Variants in CACNA1D observed in about 807,000 individuals in gnomAD.
The protein encoded by CACNA1D is voltage-dependent L-type calcium channel subunit alpha-1D.
Under a neutral mutation model 257.1 loss-of-function variants are expected in CACNA1D, and 55 were observed. The observed-to-expected ratio is 0.21, with a 90% CI of 0.17 to 0.27. The LOEUF is 0.27. Ranked by LOEUF, CACNA1D falls within the 10% of genes least tolerant of loss-of-function variation. CACNA1D has a pLI of 1.00. For missense variants in CACNA1D, 1,876 were observed against 2,784.0 expected (o/e 0.67, Z 7.34); for synonymous variants, 980 against 1,014.9 (o/e 0.97, Z 0.65).
chr3:53,648,761 T>C (rs2108260752), intron 3 of CACNA1D, among the ~76,000 whole-genome samples: 1 of 151,904 alleles, frequency 6.6e-6, no homozygotes, highest in South Asian at 2.1e-4. Context: ...GGCATGAGTA[T>C]AGAGGTTGGA....
At chr3:53,598,405 G>A (rs968611100) in intron 3 of CACNA1D, among the ~76,000 whole-genome samples, 10 of 150,324 alleles carry the variant, frequency 6.7e-5, no homozygotes, top group East Asian at 3.9e-4. Context: ...GCACAACACC[G>A]TCTCTACTAA....
intron 7 of CACNA1D, among the ~76,000 whole-genome samples, chr3:53,669,038 C>T (rs1228098438): frequency 6.6e-6 from 1 of 152,244 alleles, no homozygotes; most frequent in Non-Finnish European, 1.5e-5. Context: ...CCTTGGCATT[C>T]TTCCACCTGT....
At chr3:53,646,346 G>C (rs912776236) in intron 3 of CACNA1D, among the ~76,000 whole-genome samples, 1 of 152,072 alleles carries the variant, frequency 6.6e-6, no homozygotes, top group African/African-American at 2.4e-5. Context: ...TTCTAAAAAG[G>C]GTTTATGGTA....
At chr3:53,630,570 T>G (rs2093811028) in intron 3 of CACNA1D, among the ~76,000 whole-genome samples, 1 of 152,200 alleles carries the variant, frequency 6.6e-6, no homozygotes, top group Non-Finnish European at 1.5e-5. Context: ...AGCTCAACTC[T>G]TGGGGAACAA....
At chr3:53,518,580 C>CA (rs1435029986) in intron 3 of CACNA1D, among the ~76,000 whole-genome samples, 1 of 152,164 alleles carries the variant, frequency 6.6e-6, no homozygotes, top group Non-Finnish European at 1.5e-5. Flanking sequence ...TCTAGGGCTG[C>CA]AACCTCTTCC....
intron 8 of CACNA1D, chr3:53,679,852 G>C (rs2094412668): frequency 6.6e-6 from 1 of 152,348 alleles, no homozygotes; most frequent in South Asian, 2.1e-4. Context: ...AGGTTAGGGT[G>C]CCGGAAAGAT....
intron 25 of CACNA1D, among the ~76,000 whole-genome samples, 168 bp downstream of exon 25, chr3:53,746,043 G>A (rs1158396968): frequency 2.6e-5 from 4 of 152,102 alleles, no homozygotes; most frequent in Non-Finnish European, 4.4e-5. Flanking sequence ...TGAAATTCAC[G>A]TAACATCAAC....
intron 3 of CACNA1D, among the ~76,000 whole-genome samples, chr3:53,554,069 G>A (rs1197446659): frequency 6.6e-6 from 1 of 151,894 alleles, no homozygotes; most frequent in Non-Finnish European, 1.5e-5. Flanking sequence ...GGTGGTGGGT[G>A]CCTATAGTCC....
chr3:53,666,952 A>G (rs778797844), intron 7 of CACNA1D, among the ~76,000 whole-genome samples: 11 of 152,158 alleles, frequency 7.2e-5, no homozygotes, highest in Non-Finnish European at 1.6e-4. Flanking sequence ...AGGTTGCTCT[A>G]CTAGATCCTA....
intron 3 of CACNA1D, among the ~76,000 whole-genome samples, chr3:53,519,811 T>C (rs990748018): frequency 2.0e-5 from 3 of 152,202 alleles, no homozygotes; most frequent in Admixed American, 6.5e-5. Flanking sequence ...TTCCATTCTA[T>C]TCCCCCTCCC....
At chr3:53,555,355 C>A (rs959346717) in intron 3 of CACNA1D, among the ~76,000 whole-genome samples, 9 of 151,776 alleles carry the variant, frequency 5.9e-5, no homozygotes, top group African/African-American at 2.2e-4. Flanking sequence ...GGGCTTTGCC[C>A]GTGGAGTTCA....
At chr3:53,500,778 G>T (rs192460238) in intron 2 of CACNA1D, among the ~76,000 whole-genome samples, 1 of 152,296 alleles carries the variant, frequency 6.6e-6, no homozygotes, top group East Asian at 1.9e-4. Flanking sequence ...AATAACACCA[G>T]AATGTTTAGG....
intron 44 of CACNA1D, among the ~76,000 whole-genome samples, chr3:53,804,453 T>C (rs1433736646): frequency 6.6e-6 from 1 of 152,228 alleles, no homozygotes; most frequent in African/African-American, 2.4e-5. Context: ...CTCTAGGGCC[T>C]TGCTTTTTAT....
At chr3:53,520,849 C>CCTTTCTTTCTTTCTTTCTTTCTTT (rs71074924) in intron 3 of CACNA1D, among the ~76,000 whole-genome samples, 88 of 133,088 alleles carry the variant, frequency 6.6e-4, no homozygotes, top group Non-Finnish European at 9.2e-4. Flanking sequence ...TTTGCAAACT[C>CCTTTCTTTCTTTCTTTCTTTCTTT]CTTTCTTTCT....
chr3:53,756,620 G>T (rs1421272004), intron 29 of CACNA1D, among the ~76,000 whole-genome samples: 5 of 152,236 alleles, frequency 3.3e-5, no homozygotes, highest in Non-Finnish European at 7.3e-5. Context: ...CTAGACCTCT[G>T]TAGGGTTTTC....
chr3:53,537,699 T>G (rs1397343220), intron 3 of CACNA1D, among the ~76,000 whole-genome samples: 2 of 152,222 alleles, frequency 1.3e-5, no homozygotes, highest in Non-Finnish European at 2.9e-5. Flanking sequence ...TGTGACTTGG[T>G]TGTTGTCCTT....
chr3:53,601,259 T>A (rs746671672), intron 3 of CACNA1D, among the ~76,000 whole-genome samples: 7 of 152,192 alleles, frequency 4.6e-5, no homozygotes, highest in African/African-American at 7.2e-5. Context: ...TTACTCAAGC[T>A]TTGCTTCCTG....
At chr3:53,748,947 A>G in intron 26 of CACNA1D, 1 of 444,736 alleles carries the variant, frequency 2.2e-6, no homozygotes, top group South Asian at 2.0e-5. Context: ...CATAGTTTTC[A>G]CTTCCTCCAG....
chr3:53,665,375 G>T (rs2094251240), intron 5 of CACNA1D, among the ~76,000 whole-genome samples: 1 of 152,140 alleles, frequency 6.6e-6, no homozygotes, highest in Non-Finnish European at 1.5e-5. Flanking sequence ...TTGTCAGATG[G>T]ATGAAGAAAT....
Sources: gnomAD v4.1 joint callset for allele counts (sites outside exome capture counted in the v4.1 genomes callset) on GRCh38, gnomAD v4.1.1 for gene constraint, MANE v1.5 for transcripts, NCBI Gene and HGNC (gene_info 2026-07-23, HGNC 2026-07-21) for gene names.